HERC2: variants seen among roughly 807,000 people sequenced by gnomAD.
HERC2 encodes HECT and RLD domain containing E3 ubiquitin protein ligase 2.
In HERC2, 102 loss-of-function variants were observed where a neutral mutation model predicts 537.7. The ratio of observed to expected loss-of-function variants is 0.19; its 90% CI spans 0.16 to 0.22. The LOEUF (loss-of-function observed/expected upper bound fraction) is 0.22. Among genes scored for constraint, HERC2 ranks in the 10% least tolerant of loss-of-function variants. The pLI, the probability that HERC2 is intolerant of heterozygous loss-of-function variation, is 1.00. For missense variants in HERC2, 4,236 were observed against 6,198.2 expected (o/e 0.68, Z 10.63); for synonymous variants, 2,224 against 2,466.2 (o/e 0.90, Z 2.91).
intron 2 of HERC2, among the ~76,000 whole-genome samples, chr15:28,318,090 G>A (rs1483981582): frequency 1.3e-5 from 2 of 152,220 alleles, no homozygotes; most frequent in East Asian, 1.9e-4. Context: ...CAAAACTGGC[G>A]AACAGGCATG....
chr15:28,162,290 G>A (rs868474476), intron 69 of HERC2, among the ~76,000 whole-genome samples: 5 of 152,272 alleles, frequency 3.3e-5, no homozygotes, highest in African/African-American at 1.2e-4. Flanking sequence ...CTGAGATTGC[G>A]CCACCGCACT....
intron 48 of HERC2, among the ~76,000 whole-genome samples, 158 bp from the exon 49 acceptor site, chr15:28,198,927 C>T (rs1897623678): frequency 6.6e-6 from 1 of 152,098 alleles, no homozygotes; most frequent in Admixed American, 6.5e-5. Context: ...GTGGGAGGAT[C>T]ACTTGAGCTC....
intron 30 of HERC2, among the ~76,000 whole-genome samples, chr15:28,231,438 T>C (rs187026963): frequency 5.3e-5 from 8 of 152,292 alleles, no homozygotes; most frequent in East Asian, 3.9e-4. Flanking sequence ...TGTTTTTGCA[T>C]TGGGGCACTG....
At chr15:28,153,651 GA>G (rs1173757828) in intron 69 of HERC2, among the ~76,000 whole-genome samples, 2 of 151,604 alleles carry the variant, frequency 1.3e-5, no homozygotes, top group Admixed American at 6.6e-5. Flanking sequence ...ACTCTGTCTC[GA>G]AAAAAGAAAA....
chr15:28,292,681 T>C (rs1428062957), intron 4 of HERC2, among the ~76,000 whole-genome samples: 3 of 152,196 alleles, frequency 2.0e-5, no homozygotes, highest in African/African-American at 7.2e-5. Flanking sequence ...TGGGCAACAA[T>C]GTGAATATAC....
chr15:28,220,725 T>C, intron 36 of HERC2, 81 bp from the exon 37 acceptor site: 1 of 1,187,664 alleles, frequency 8.4e-7, no homozygotes, highest in Non-Finnish European at 1.2e-6. Context: ...AGACCTCAGT[T>C]AGGAGGGTGC....
In HERC2 at chr15:28,212,356, C is replaced by A; in HGVS notation, c.6925+89G>T. 5.1e-6 allele frequency: 4 copies of A among 785,226 alleles called. No individual in the cohort carries two copies. The South Asian group carries it at 6.4e-5, about 12-fold the overall frequency. The allele number at this position is 785,226 out of a possible 1,614,324, so 48.6% of individuals were successfully genotyped here. A position where few individuals can be genotyped will look rare whatever the true frequency, so the allele number is the denominator to read the frequency against. ...CCACGTGAACCCCAGGACTTTAGTACGTCCGTGAATTCACTCATAAAAGAA... is the reference window on the plus strand; with the variant it reads ...CCACGTGAACCCCAGGACTTTAGTAAGTCCGTGAATTCACTCATAAAAGAA... On this transcript the variant is annotated intron_variant, in intron 43 of 92. Transcript: ENST00000261609.
chr15:28,241,948 C>T (rs1261398591), intron 23 of HERC2, among the ~76,000 whole-genome samples: 1 of 152,168 alleles, frequency 6.6e-6, no homozygotes, highest in Non-Finnish European at 1.5e-5. Context: ...GGATGGACAG[C>T]AAAATGTGAT....
Position 28,186,685 on chromosome 15 carries a change from C to A in HERC2, c.8717G>T (p.Gly2906Val). Residue 2906 changes from glycine (G) to valine (V), a missense_variant, in exon 56 of 93, where the codon GGT (glycine) becomes GTT (valine). This residue lies in a region of HERC2 where 606 missense variants were observed against 884.5 expected (regional missense o/e 0.69). Coordinates refer to ENST00000261609, the MANE Select transcript of HERC2 (RefSeq NM_004667.6). ...ACGGATCCGTCCCAGCAGGATGAGA[C>A]CATGGATTTTACAATCGATTCCTGA... ...RSSGIDCKIH[G>V]LILLGRIRAE... The A allele has an allele frequency of 1.9e-6, 3 of 1,614,008 alleles. No individual in the cohort carries two copies. Among genetic ancestry groups the A allele is most frequent in the South Asian group, 1.1e-5 (1 of 91,070 alleles).
intron 2 of HERC2, among the ~76,000 whole-genome samples, chr15:28,304,761 C>G (rs1468863980): frequency 5.1e-5 from 7 of 136,298 alleles, no homozygotes; most frequent in Non-Finnish European, 7.7e-5. Context: ...GCACATTGCG[C>G]AGGTTAATTA....
chr15:28,180,743 T>C (rs779755152), intron 57 of HERC2, among the ~76,000 whole-genome samples: 5 of 152,244 alleles, frequency 3.3e-5, no homozygotes, highest in African/African-American at 7.2e-5. Flanking sequence ...ATATTTTTTA[T>C]TGCACGTGTA....
At chr15:28,264,688 A>G (rs2075513728) in intron 14 of HERC2, among the ~76,000 whole-genome samples, 2 of 152,234 alleles carry the variant, frequency 1.3e-5, no homozygotes, top group South Asian at 4.1e-4. Context: ...AACTACACAT[A>G]AAGAATGCAA....
chr15:28,148,562 C>T (rs1199200021), intron 70 of HERC2, among the ~76,000 whole-genome samples: 2 of 152,196 alleles, frequency 1.3e-5, no homozygotes, highest in Non-Finnish European at 2.9e-5. Flanking sequence ...ACCCCTTACC[C>T]GAGAACATCA....
intron 83 of HERC2, among the ~76,000 whole-genome samples, chr15:28,129,369 T>C (rs1278550457): frequency 6.6e-6 from 1 of 152,210 alleles, no homozygotes; most frequent in African/African-American, 2.4e-5. Flanking sequence ...TGTCAGGTGC[T>C]GTCTGCCGGG....
chr15:28,142,887 A>C lies in HERC2; in HGVS notation c.11484T>G (p.Phe3828Leu). Residue 3828 changes from phenylalanine (F) to leucine (L), a missense_variant, in exon 75 of 93, where the codon TTT (phenylalanine) becomes TTG (leucine). Coordinates refer to ENST00000261609, the MANE Select transcript of HERC2 (RefSeq NM_004667.6). Reference sequence around the variant, plus strand: ...CCCTCACAATAGGATCTTCATATTCAAACTGCCTTTGCAAAGCTTCTGGAA... The same window carrying C: ...CCCTCACAATAGGATCTTCATATTCCAACTGCCTTTGCAAAGCTTCTGGAA... ...KGLPEALQRQFEYEDPIVRGG... is the reference protein window; with the variant it reads ...KGLPEALQRQLEYEDPIVRGG... The C allele has an allele frequency of 6.3e-7, 1 of 1,595,770 alleles. No individual in the cohort carries two copies. Among genetic ancestry groups the C allele is most frequent in the Non-Finnish European group, 8.6e-7 (1 of 1,164,038 alleles).
intron 4 of HERC2, among the ~76,000 whole-genome samples, chr15:28,282,878 G>C (rs764939054): frequency 2.0e-5 from 3 of 151,772 alleles, no homozygotes; most frequent in Non-Finnish European, 4.4e-5. Flanking sequence ...GTTGCAGTGA[G>C]CCGAGAACGT....
intron 10 of HERC2, among the ~76,000 whole-genome samples, chr15:28,270,402 T>C (rs534731236): frequency 6.6e-6 from 1 of 152,114 alleles, no homozygotes; most frequent in African/African-American, 2.4e-5. Context: ...TGGAACCCCC[T>C]GCAGAAGGTG....
chr15:28,310,211 C>T (rs1209918575), intron 2 of HERC2, among the ~76,000 whole-genome samples: 1 of 152,154 alleles, frequency 6.6e-6, no homozygotes, highest in African/African-American at 2.4e-5. Context: ...CTTGGGAGGC[C>T]AAGGCAGGTG....
chr15:28,250,014 A>C (rs1904132136), intron 20 of HERC2, among the ~76,000 whole-genome samples: 1 of 152,114 alleles, frequency 6.6e-6, no homozygotes, highest in Non-Finnish European at 1.5e-5. Context: ...GGGAACACGG[A>C]GGGGAGGAGA....
Sources: gnomAD v4.1 joint callset for allele counts (sites outside exome capture counted in the v4.1 genomes callset) on GRCh38, gnomAD v4.1.1 for gene constraint, gnomAD v4.1.1 regional missense constraint, MANE v1.5 for transcripts, NCBI Gene and HGNC (gene_info 2026-07-23, HGNC 2026-07-21) for gene names.